The following XKR9 variants were observed in gnomAD, a reference collection of about 807,000 sequenced individuals.
XKR9 encodes the protein XK related 9.
Under a neutral mutation model 32.0 loss-of-function variants are expected in XKR9, and 32 were observed. The ratio of observed to expected loss-of-function variants is 1.00; its 90% CI spans 0.76 to 1.34. XKR9 has a LOEUF of 1.34. Among genes scored for constraint, XKR9 ranks in the 40% most tolerant of loss-of-function variants. The pLI is 0.00. For missense variants in XKR9, 546 were observed against 429.7 expected (o/e 1.27, Z -2.39); for synonymous variants, 168 against 143.4 (o/e 1.17, Z -1.22).
intron 3 of XKR9, among the ~76,000 whole-genome samples, chr8:70,695,509 A>G (rs1455382428): frequency 1.3e-5 from 2 of 151,956 alleles, no homozygotes; most frequent in Non-Finnish European, 1.5e-5. Flanking sequence ...ACATGAACTC[A>G]TCATTTTTTA....
intron 2 of XKR9, among the ~76,000 whole-genome samples, chr8:70,766,245 T>G (rs1182131005): frequency 4.6e-5 from 7 of 152,228 alleles, no homozygotes. Context: ...GAATATGGAA[T>G]GTTCTTCCAC....
chr8:70,753,194 A>G (rs1022613086), intron 2 of XKR9, among the ~76,000 whole-genome samples: 39 of 152,226 alleles, frequency 2.6e-4, no homozygotes, highest in South Asian at 8.3e-4. Flanking sequence ...CGACACATAC[A>G]CCCTCCCAAC....
chr8:70,948,690 C>T, the XKR9 span, among the ~76,000 whole-genome samples: 1 of 152,190 alleles, frequency 6.6e-6, no homozygotes, highest in Non-Finnish European at 1.5e-5. Flanking sequence ...AATGCCTGCA[C>T]ACAAGCATTA....
the XKR9 span, among the ~76,000 whole-genome samples, chr8:70,901,665 T>C: frequency 2.0e-5 from 3 of 152,242 alleles, no homozygotes; most frequent in Non-Finnish European, 4.4e-5. Flanking sequence ...TTTAGTTTAA[T>C]TAGATCCAAT....
At chr8:70,698,428 T>C (rs2132152851) in intron 3 of XKR9, among the ~76,000 whole-genome samples, 1 of 152,322 alleles carries the variant, frequency 6.6e-6, no homozygotes, top group South Asian at 2.1e-4. Context: ...ATTTCTGCCT[T>C]CATTTCATTA....
the XKR9 span, among the ~76,000 whole-genome samples, chr8:70,940,972 A>AT: frequency 6.6e-6 from 1 of 152,024 alleles, no homozygotes; most frequent in Non-Finnish European, 1.5e-5. Context: ...TTTTATTATT[A>AT]TTTTAGTGAA....
chr8:71,019,105 A>G, the XKR9 span, among the ~76,000 whole-genome samples: 1 of 151,978 alleles, frequency 6.6e-6, no homozygotes, highest in African/African-American at 2.4e-5. Context: ...TCTACATGTG[A>G]TCCAAGGGGG....
intron 1 of XKR9, 68 bp from the exon 2 acceptor site, chr8:70,674,750 T>C (rs1381001912): frequency 6.6e-6 from 1 of 152,186 alleles, no homozygotes; most frequent in Non-Finnish European, 1.5e-5. Context: ...GACTAACAGG[T>C]GATTTCAGTT....
At chr8:70,673,344 G>A (rs1818780247) in intron 1 of XKR9, among the ~76,000 whole-genome samples, 1 of 152,160 alleles carries the variant, frequency 6.6e-6, no homozygotes, top group African/African-American at 2.4e-5. Context: ...TTTGGCAGAT[G>A]AAGGAATAGG....
chr8:71,008,641 T>C, the XKR9 span, among the ~76,000 whole-genome samples: 10 of 152,318 alleles, frequency 6.6e-5, no homozygotes, highest in Middle Eastern at 3.4e-3. Context: ...ATTTTTTTAC[T>C]TTTTAGACAG....
chr8:70,816,044 C>T, the XKR9 span, among the ~76,000 whole-genome samples: 2 of 151,726 alleles, frequency 1.3e-5, no homozygotes, highest in African/African-American at 2.4e-5. Flanking sequence ...TTATTCTACC[C>T]GGGAGGCAGA....
chr8:70,928,771 C>T, the XKR9 span, among the ~76,000 whole-genome samples: 1 of 152,160 alleles, frequency 6.6e-6, no homozygotes, highest in Non-Finnish European at 1.5e-5. Context: ...CATCTCCCAG[C>T]TGGCACAGAC....
At chr8:70,940,650 T>G in the XKR9 span, among the ~76,000 whole-genome samples, 1 of 152,140 alleles carries the variant, frequency 6.6e-6, no homozygotes, top group Non-Finnish European at 1.5e-5. Flanking sequence ...CTATTATAGT[T>G]TCCCATAAAT....
At chr8:71,042,790 T>C in the XKR9 span, among the ~76,000 whole-genome samples, 1 of 152,204 alleles carries the variant, frequency 6.6e-6, no homozygotes, top group Non-Finnish European at 1.5e-5. Flanking sequence ...AAAGTCTAAA[T>C]CCAAGGTCCT....
chr8:70,973,202 T>A, the XKR9 span, among the ~76,000 whole-genome samples: 1 of 152,152 alleles, frequency 6.6e-6, no homozygotes, highest in Non-Finnish European at 1.5e-5. Context: ...AAGGGTTGTA[T>A]ATTTTCACAA....
At chr8:70,868,362 A>G in the XKR9 span, among the ~76,000 whole-genome samples, 7 of 151,982 alleles carry the variant, frequency 4.6e-5, no homozygotes, top group Non-Finnish European at 1.0e-4. Flanking sequence ...CTGCTTGGGC[A>G]TGTAGGTATT....
In XKR9 at chr8:70,681,029, G is replaced by A; in HGVS notation, c.-30G>A. ...TTCCCTTTTTGTGAGGGAGAAAAAA[G>A]TAGATAACGAAAAGCTATAGTCATT... On this transcript the variant is annotated 5_prime_UTR_variant, in exon 3 of 5. Transcript: ENST00000408926. 1.3e-6 allele frequency: 2 copies of A among 1,571,666 alleles called. No homozygotes were observed. The highest frequency in any genetic ancestry group is 1.7e-6 in the Non-Finnish European group (2 of 1,160,030).
At chr8:70,687,142 C>T (rs1007229420) in intron 3 of XKR9, among the ~76,000 whole-genome samples, 6 of 152,120 alleles carry the variant, frequency 3.9e-5, no homozygotes, top group Non-Finnish European at 8.8e-5. Context: ...AACTATTATT[C>T]TACTCTCTAT....
At chr8:70,748,982 G>A (rs966497228) in intron 2 of XKR9, among the ~76,000 whole-genome samples, 9 of 151,972 alleles carry the variant, frequency 5.9e-5, no homozygotes, top group Non-Finnish European at 1.2e-4. Context: ...GGTCTCCTCT[G>A]TGCTGAGAGC....
Sources: gnomAD v4.1 joint callset for allele counts (sites outside exome capture counted in the v4.1 genomes callset) on GRCh38, gnomAD v4.1.1 for gene constraint, MANE v1.5 for transcripts, NCBI Gene and HGNC (gene_info 2026-07-23, HGNC 2026-07-21) for gene names.